ZNF423: variants seen among roughly 807,000 people sequenced by gnomAD.
The protein encoded by ZNF423 is Ebf-associated zinc finger protein.
ZNF423 carries 12 observed loss-of-function variants against 95.8 expected under a neutral mutation model. The ratio of observed to expected loss-of-function variants is 0.13; its 90% CI spans 0.08 to 0.20. The LOEUF is 0.20. Ranked by LOEUF, ZNF423 falls within the 10% of genes least tolerant of loss-of-function variation. The pLI, the probability that ZNF423 is intolerant of heterozygous loss-of-function variation, is 1.00. For synonymous variants in ZNF423, 749 were observed against 711.9 expected, an observed-to-expected ratio of 1.05 and a Z score of -0.83; for missense variants, 1,316 against 1,737.1, an observed-to-expected ratio of 0.76 and a Z score of 4.31.
At chr16:49,662,106 C>T (rs535516611) in intron 3 of ZNF423, among the ~76,000 whole-genome samples, 2 of 152,158 alleles carry the variant, frequency 1.3e-5, no homozygotes, top group Non-Finnish European at 2.9e-5. Context: ...GGAACTCCAC[C>T]CCCACTCCCA....
intron 2 of ZNF423, among the ~76,000 whole-genome samples, chr16:49,734,475 G>A (rs759791070): frequency 7.9e-5 from 12 of 152,240 alleles, no homozygotes; most frequent in Non-Finnish European, 1.0e-4. Context: ...TCAACAGGCC[G>A]AGGAGAAGGC....
intron 5 of ZNF423, among the ~76,000 whole-genome samples, chr16:49,554,182 C>T (rs1020398853): frequency 1.3e-4 from 20 of 152,192 alleles, no homozygotes; most frequent in Admixed American, 3.9e-4. Context: ...ACACCTGAGG[C>T]CACAGCTCCA....
chr16:49,638,403 T>G lies in ZNF423; in HGVS notation c.773A>C (p.His258Pro), dbSNP rs1300656235. The G allele has an allele frequency of 6.2e-7, 1 of 1,613,870 alleles. No individual in the cohort carries two copies. The highest frequency in any genetic ancestry group is 8.5e-7 in the Non-Finnish European group (1 of 1,180,046). Residue 258 changes from histidine (H) to proline (P), a missense_variant, in exon 4 of 8, where the codon CAT becomes CCT. His to Pro is a moderately conservative substitution (Grantham distance 77). Around this residue, in one of 6 missense-constraint regions of ZNF423, gnomAD observed 399 missense variants for 478.5 expected, o/e 0.83. Coordinates refer to ENST00000563137, the MANE Select transcript of ZNF423 (RefSeq NM_001379286.1). The surrounding 1 kb of genome is among the most constrained non-coding windows in gnomAD (Gnocchi z 5.6). ...GGCTTCCTTCTCCGACTTGGCCAGA[T>G]GCTCCTTGTTCTTTTTGTGGGCCTG... ...HMQAHKKNKE[H>P]LAKSEKEAKK...
At chr16:49,588,400 G>A (rs1351673110) in intron 5 of ZNF423, among the ~76,000 whole-genome samples, 1 of 152,176 alleles carries the variant, frequency 6.6e-6, no homozygotes, top group East Asian at 1.9e-4. Flanking sequence ...ATCCCCAAAG[G>A]ACAGAGCTCT....
intron 1 of ZNF423, among the ~76,000 whole-genome samples, chr16:49,805,742 T>C (rs1175014870): frequency 1.3e-5 from 2 of 152,252 alleles, no homozygotes; most frequent in Non-Finnish European, 2.9e-5. Context: ...CCTTGGGTAA[T>C]GGACTCTTCG....
At chr16:49,780,973 C>T (rs997275620) in intron 2 of ZNF423, among the ~76,000 whole-genome samples, 11 of 152,246 alleles carry the variant, frequency 7.2e-5, no homozygotes, top group African/African-American at 9.6e-5. Flanking sequence ...GCACACCAGC[C>T]GGAAGCCAAA....
chr16:49,545,487 G>C (rs962483215), intron 5 of ZNF423, among the ~76,000 whole-genome samples: 1 of 152,118 alleles, frequency 6.6e-6, no homozygotes, highest in African/African-American at 2.4e-5. Context: ...GAGCCTGTGA[G>C]CTACACAGGT....
intron 2 of ZNF423, among the ~76,000 whole-genome samples, chr16:49,735,430 C>A (rs2033261641): frequency 6.6e-6 from 1 of 152,192 alleles, no homozygotes; most frequent in Non-Finnish European, 1.5e-5. Context: ...TCTCCCTTGG[C>A]AGGCTGCATT....
intron 2 of ZNF423, among the ~76,000 whole-genome samples, chr16:49,766,751 C>T (rs1192738362): frequency 2.6e-5 from 4 of 152,192 alleles, no homozygotes; most frequent in Non-Finnish European, 5.9e-5. Context: ...GACCGAGCCT[C>T]GGTCCCTCAG....
chr16:49,732,085 T>G (rs1253506479), intron 2 of ZNF423, among the ~76,000 whole-genome samples: 3 of 152,136 alleles, frequency 2.0e-5, no homozygotes, highest in Non-Finnish European at 4.4e-5. Flanking sequence ...GCTCAAAGGA[T>G]CATGTGATCC....
At chr16:49,761,747 T>A (rs560753164) in intron 2 of ZNF423, among the ~76,000 whole-genome samples, 1 of 152,330 alleles carries the variant, frequency 6.6e-6, no homozygotes, top group East Asian at 1.9e-4. Flanking sequence ...ACTATTGACC[T>A]CTGCACAAAC....
intron 1 of ZNF423, among the ~76,000 whole-genome samples, chr16:49,835,816 C>T (rs564707736): frequency 6.6e-6 from 1 of 152,248 alleles, no homozygotes; most frequent in East Asian, 1.9e-4. Flanking sequence ...CTGCTGCTCC[C>T]GGGTGTTGGT....
intron 2 of ZNF423, among the ~76,000 whole-genome samples, chr16:49,732,304 C>T (rs774322637): frequency 6.6e-6 from 1 of 152,202 alleles, no homozygotes; most frequent in African/African-American, 2.4e-5. Context: ...AATCAAAGTG[C>T]AAAAGCGTGT....
chr16:49,682,419 A>G (rs923068318), intron 3 of ZNF423, among the ~76,000 whole-genome samples: 1 of 152,166 alleles, frequency 6.6e-6, no homozygotes, highest in African/African-American at 2.4e-5. Flanking sequence ...GCCCCAAGGG[A>G]GAGCCAAGGG....
chr16:49,514,830 C>T (rs1436785261), intron 7 of ZNF423, among the ~76,000 whole-genome samples: 2 of 152,174 alleles, frequency 1.3e-5, no homozygotes, highest in Non-Finnish European at 2.9e-5. Context: ...GATTCCAGGG[C>T]GTGGCGCTGG....
chr16:49,501,451 T>C (rs1296714975), intron 7 of ZNF423, among the ~76,000 whole-genome samples: 1 of 152,182 alleles, frequency 6.6e-6, no homozygotes, highest in Non-Finnish European at 1.5e-5. Flanking sequence ...GTTCAGACAC[T>C]GTGGAAAGCA....
At chr16:49,600,257 G>C (rs1432372967) in intron 5 of ZNF423, among the ~76,000 whole-genome samples, 1 of 151,934 alleles carries the variant, frequency 6.6e-6, no homozygotes, top group African/African-American at 2.4e-5. Flanking sequence ...TCTCAGCTCA[G>C]TGCAGTGAGC....
chr16:49,846,518 G>T (rs1048685806), intron 1 of ZNF423, among the ~76,000 whole-genome samples: 7 of 152,188 alleles, frequency 4.6e-5, no homozygotes, highest in Admixed American at 3.9e-4. Flanking sequence ...CAAAATGTGT[G>T]TCTGGCCCCT....
chr16:49,544,223 A>G (rs1015177078), intron 5 of ZNF423, among the ~76,000 whole-genome samples: 1 of 152,246 alleles, frequency 6.6e-6, no homozygotes, highest in African/African-American at 2.4e-5. Context: ...AGGTGAGGCC[A>G]GTGCTTGCCT....
Sources: allele counts gnomAD v4.1 joint callset (sites outside exome capture counted in the v4.1 genomes callset), GRCh38; gene constraint gnomAD v4.1.1; regional missense constraint gnomAD v4.1.1; non-coding constraint Gnocchi (gnomAD v3.1); transcripts MANE v1.5; gene names NCBI Gene and HGNC (gene_info 2026-07-23, HGNC 2026-07-21).